ARSG: variants seen among roughly 807,000 people sequenced by gnomAD.
The protein encoded by ARSG is ASG.
ARSG carries 37 observed loss-of-function variants against 50.5 expected under a neutral mutation model. The ratio of observed to expected loss-of-function variants is 0.73; its 90% confidence interval spans 0.56 to 0.96. The LOEUF (loss-of-function observed/expected upper bound fraction) is 0.96. Ranked by LOEUF, ARSG falls within the 50% of genes least tolerant of loss-of-function variation. The pLI is 0.00. For synonymous variants in ARSG, 225 were observed against 254.6 expected (o/e 0.88, Z 1.11); for missense variants, 629 against 675.3 (o/e 0.93, Z 0.76).
chr17:68,316,413 C>T (rs982338866), intron 2 of ARSG, among the ~76,000 whole-genome samples: 1 of 152,220 alleles, frequency 6.6e-6, no homozygotes, highest in Admixed American at 6.5e-5. Context: ...TTACAGCAGC[C>T]TCCTTATCTG....
downstream of ARSG, chr17:68,427,308 G>A (rs888327283): frequency 3.7e-6 from 5 of 1,334,968 alleles, no homozygotes; most frequent in Non-Finnish European, 2.1e-6. Flanking sequence ...CATATATCTA[G>A]GACACCTTCC....
intron 1 of ARSG, among the ~76,000 whole-genome samples, chr17:68,263,869 A>AT (rs2075111702): frequency 6.6e-6 from 1 of 151,730 alleles, no homozygotes; most frequent in Non-Finnish European, 1.5e-5. Context: ...CTTAATTTTT[A>AT]TTTTTTGAGA....
intron 11 of ARSG, among the ~76,000 whole-genome samples, chr17:68,410,695 A>G (rs955903076): frequency 9.9e-5 from 15 of 152,158 alleles, no homozygotes; most frequent in African/African-American, 3.6e-4. Context: ...TTCAGAAGGA[A>G]TGGTACCAGT....
At chr17:68,422,738 A>AG (rs1264222414), downstream of ARSG, 211 of 151,078 alleles carry the variant, frequency 1.4e-3, no homozygotes, top group African/African-American at 4.9e-3. Flanking sequence ...TCTCAAAAAA[A>AG]AAAAAAAAAA....
intron 2 of ARSG, among the ~76,000 whole-genome samples, chr17:68,311,800 CTTTT>C (rs36097952): frequency 6.9e-5 from 8 of 116,370 alleles, no homozygotes; most frequent in African/African-American, 1.3e-4. Context: ...CTGTACTGTA[CTTTT>C]TTTTTTTTTT....
At position 68,323,871 on chromosome 17, in the gene ARSG, G is replaced by A. The variant is rs553619632; in HGVS notation, c.218+16160G>A. 5.9e-5 allele frequency among the ~76,000 whole-genome samples: 9 copies of A among 152,076 alleles called. 1 individual carries two copies. Among genetic ancestry groups the A allele is most frequent in the South Asian group, 2.1e-4 (1 of 4,810 alleles). ...GTGGATCACCTGAGGTCAGGAGTTC[G>A]AGACCAGCCTGGCCAACATGGCGAA... is the stretch of plus-strand genomic sequence containing the variant. On this transcript the variant is annotated intron_variant, in intron 2 of 11. Coordinates refer to ENST00000621439, the MANE Select transcript of ARSG (RefSeq NM_001267727.2).
intron 8 of ARSG, among the ~76,000 whole-genome samples, chr17:68,382,036 C>T (rs1249259546): frequency 2.0e-5 from 3 of 151,428 alleles, no homozygotes; most frequent in African/African-American, 7.3e-5. Context: ...CTGCAACCTC[C>T]GCCTCCCGGG....
At chr17:68,441,725 CA>C in the ARSG span, among the ~76,000 whole-genome samples, 1 of 152,198 alleles carries the variant, frequency 6.6e-6, no homozygotes, top group Non-Finnish European at 1.5e-5. Flanking sequence ...GCCACAACCT[CA>C]GGTAACGCTC....
chr17:68,389,458 A>G (rs993621438), intron 9 of ARSG, among the ~76,000 whole-genome samples: 1 of 152,054 alleles, frequency 6.6e-6, no homozygotes, highest in Non-Finnish European at 1.5e-5. Flanking sequence ...GGCTGAGACC[A>G]GGAAGGCGTG....
intron 2 of ARSG, among the ~76,000 whole-genome samples, chr17:68,332,865 GACA>G (rs999294341): frequency 6.6e-6 from 1 of 152,182 alleles, no homozygotes; most frequent in Non-Finnish European, 1.5e-5. Flanking sequence ...TGGATAAAGA[GACA>G]ACACCAGTAA....
intron 2 of ARSG, among the ~76,000 whole-genome samples, chr17:68,312,880 C>T (rs772058871): frequency 9.2e-5 from 14 of 152,180 alleles, no homozygotes; most frequent in Non-Finnish European, 1.5e-4. Flanking sequence ...CAAGCCACCA[C>T]GCCCGGTTCT....
chr17:68,322,000 C>G (rs1734873274), intron 2 of ARSG, among the ~76,000 whole-genome samples: 2 of 152,262 alleles, frequency 1.3e-5, no homozygotes, highest in Middle Eastern at 3.4e-3. Context: ...GTTCATAAAG[C>G]TGCATTTTTG....
At chr17:68,430,384 G>C in the ARSG span, among the ~76,000 whole-genome samples, 66 of 152,226 alleles carry the variant, frequency 4.3e-4, no homozygotes, top group African/African-American at 1.5e-3. Context: ...TTGTAAAGCT[G>C]TTAAAAGGTT....
intron 10 of ARSG, among the ~76,000 whole-genome samples, chr17:68,397,731 C>T (rs529358054): frequency 5.1e-4 from 78 of 152,106 alleles, no homozygotes; most frequent in African/African-American, 1.6e-3. Flanking sequence ...ATATTCTAGA[C>T]GTGTATGCAT....
chr17:68,302,955 G>A lies in ARSG; in HGVS notation c.-551-3988G>A, dbSNP rs1599633337. Among the ~76,000 whole-genome samples, 4 of 152,272 alleles carry A rather than the reference G, an allele frequency of 2.6e-5. No individual in the cohort carries two copies. The South Asian group carries it at 8.3e-4, about 32-fold the overall frequency. Reference sequence around the variant, plus strand: ...AAGACTCTGCCTTTCTTTATAGCCAGGAGTGCTCCTTCCCTGTGTCTACTC... The same window carrying A: ...AAGACTCTGCCTTTCTTTATAGCCAAGAGTGCTCCTTCCCTGTGTCTACTC... On this transcript the variant is annotated intron_variant, in intron 1 of 11. Transcript: ENST00000621439.
intron 1 of ARSG, among the ~76,000 whole-genome samples, chr17:68,261,820 C>T (rs2075074778): frequency 6.6e-6 from 1 of 152,180 alleles, no homozygotes. Context: ...ACCACAAATG[C>T]TAAGGCCTGA....
At chr17:68,305,624 T>C (rs1424703929) in intron 1 of ARSG, among the ~76,000 whole-genome samples, 1 of 152,200 alleles carries the variant, frequency 6.6e-6, no homozygotes, top group Non-Finnish European at 1.5e-5. Flanking sequence ...ATGAAAAAAA[T>C]TTTTTGAAAT....
At chr17:68,352,142 G>GGAGAGA (rs200912330) in intron 5 of ARSG, among the ~76,000 whole-genome samples, 5 of 84,060 alleles carry the variant, frequency 5.9e-5, no homozygotes, top group South Asian at 3.3e-4. Context: ...GAGAGACAGA[G>GGAGAGA]GAGAGAGAGA....
rs140960361 is a variant in ARSG at position 68,360,435 on chromosome 17, G to A, written c.704+3631G>A. ...AGCTGTCCCTAGAGTGTGGCTTCCC[G>A]CTCTTCCTTGACAAGGGGGCCCACC... is the stretch of plus-strand genomic sequence containing the variant. On this transcript the variant is annotated intron_variant, in intron 6 of 11. Transcript: ENST00000621439. Among the ~76,000 whole-genome samples the A allele has an allele frequency of 4.6e-3, 699 of 152,160 alleles. 8 individuals are homozygous for A. The highest frequency in any genetic ancestry group is 0.016 in the African/African-American group (673 of 41,516).
Sources: gnomAD v4.1 joint callset for allele counts (sites outside exome capture counted in the v4.1 genomes callset) on GRCh38, gnomAD v4.1.1 for gene constraint, MANE v1.5 for transcripts, NCBI Gene and HGNC (gene_info 2026-07-23, HGNC 2026-07-21) for gene names.